Variants in NUDT3 observed in about 807,000 individuals in gnomAD.
The protein encoded by NUDT3 is nudix hydrolase 3.
NUDT3 carries 9 observed loss-of-function variants against 23.6 expected under a neutral mutation model. The observed-to-expected ratio is 0.38, with a 90% CI of 0.23 to 0.66. NUDT3 has a LOEUF of 0.66. Ranked by LOEUF, NUDT3 falls within the 30% of genes least tolerant of loss-of-function variation. The pLI, the probability that NUDT3 is intolerant of heterozygous loss-of-function variation, is 0.52. For missense variants in NUDT3, 172 were observed against 218.5 expected, an observed-to-expected ratio of 0.79 and a Z score of 1.34; for synonymous variants, 86 against 82.6, an observed-to-expected ratio of 1.04 and a Z score of -0.22.
chr6:34,328,517 G>C (rs1764077076), intron 2 of NUDT3, among the ~76,000 whole-genome samples: 2 of 152,092 alleles, frequency 1.3e-5, no homozygotes, highest in Non-Finnish European at 2.9e-5. Context: ...CCTAATTCAA[G>C]CATCTGTGTA....
chr6:34,340,607 T>C (rs754047802), intron 2 of NUDT3, among the ~76,000 whole-genome samples: 4 of 152,232 alleles, frequency 2.6e-5, no homozygotes, highest in Non-Finnish European at 4.4e-5. Flanking sequence ...TACCACCCAC[T>C]GTAAGAATGC....
chr6:34,324,303 T>C (rs977596057), intron 2 of NUDT3, among the ~76,000 whole-genome samples: 2 of 149,976 alleles, frequency 1.3e-5, no homozygotes, highest in Non-Finnish European at 3.0e-5. Context: ...TGCAGTGAGC[T>C]GAGATCACAC....
At chr6:34,366,312 A>G (rs1397652071) in intron 1 of NUDT3, among the ~76,000 whole-genome samples, 1 of 149,988 alleles carries the variant, frequency 6.7e-6, no homozygotes, top group African/African-American at 2.5e-5. Context: ...GGAGGTTGAG[A>G]CTGCAGTGAG....
At chr6:34,368,677 C>T (rs1427099146) in intron 1 of NUDT3, among the ~76,000 whole-genome samples, 3 of 152,118 alleles carry the variant, frequency 2.0e-5, no homozygotes, top group African/African-American at 2.4e-5. Flanking sequence ...CTCACTCTGT[C>T]GCCCAGGCTG....
At chr6:34,307,736 A>G (rs540672274) in intron 2 of NUDT3, among the ~76,000 whole-genome samples, 1 of 152,226 alleles carries the variant, frequency 6.6e-6, no homozygotes, top group Non-Finnish European at 1.5e-5. Flanking sequence ...GAACAGGAAC[A>G]GAGAACAAAG....
chr6:34,325,882 G>A (rs55812200), intron 2 of NUDT3, among the ~76,000 whole-genome samples: 14,660 of 152,240 alleles, frequency 0.096, 809 homozygotes, highest in Non-Finnish European at 0.12. Flanking sequence ...AGTGGCATCT[G>A]TCACATCACC....
intron 2 of NUDT3, among the ~76,000 whole-genome samples, chr6:34,310,834 G>C (rs552086555): frequency 6.6e-6 from 1 of 152,018 alleles, no homozygotes; most frequent in South Asian, 2.1e-4. Flanking sequence ...CTCTCCCAAG[G>C]CTGGTTCGAT....
At position 34,285,965 on chromosome 6, in the gene NUDT3, CCAA is replaced by C. The variant is rs1763329213; in HGVS notation, c.*2785_*2787del. The C allele has an allele frequency of 6.6e-6, 1 of 152,188 alleles. No individual in the cohort carries two copies. Among genetic ancestry groups the C allele is most frequent in the Non-Finnish European group, 1.5e-5 (1 of 68,040 alleles). 9.4% of individuals were successfully genotyped at this position (152,188 alleles called of 1,614,324 possible). On this transcript the variant is annotated 3_prime_UTR_variant, in exon 5 of 5. Transcript: ENST00000607016. The stretch of plus-strand genomic sequence containing the variant: ...AGTTCACTTTCCTGACCCAAAGACA[CCAA>C]CAACAATCAAAACTGCACTTTCAGG...
intron 2 of NUDT3, among the ~76,000 whole-genome samples, chr6:34,297,730 AAT>A (rs139306311): frequency 0.054 from 3,874 of 71,730 alleles, 103 homozygotes; most frequent in African/African-American, 0.067. Flanking sequence ...AAAAAAAAAA[AAT>A]ATATATATAT....
At chr6:34,307,681 A>G (rs893881725) in intron 2 of NUDT3, among the ~76,000 whole-genome samples, 3 of 152,226 alleles carry the variant, frequency 2.0e-5, no homozygotes, top group Admixed American at 2.0e-4. Context: ...ATGAAATAAT[A>G]TAAGATGCTC....
chr6:34,357,908 C>A (rs770881326), intron 1 of NUDT3, among the ~76,000 whole-genome samples: 5 of 152,114 alleles, frequency 3.3e-5, no homozygotes, highest in Admixed American at 6.6e-5. Flanking sequence ...CCCAGGTTTT[C>A]TTCTAGTAAT....
At chr6:34,382,710 A>C (rs1219035465) in intron 1 of NUDT3, among the ~76,000 whole-genome samples, 5 of 151,956 alleles carry the variant, frequency 3.3e-5, no homozygotes, top group Admixed American at 2.6e-4. Flanking sequence ...GCATGCCTGT[A>C]ATCTTAGCTA....
chr6:34,389,783 A>G (rs2101776), intron 1 of NUDT3, among the ~76,000 whole-genome samples: 151,917 of 152,254 alleles, frequency 1, 75,791 homozygotes, highest in Middle Eastern at 1. Context: ...CTAACACGGT[A>G]ACAACCCATC....
At chr6:34,342,274 G>A (rs989830783) in intron 1 of NUDT3, among the ~76,000 whole-genome samples, 2 of 128,276 alleles carry the variant, frequency 1.6e-5, no homozygotes, top group African/African-American at 6.0e-5. Flanking sequence ...ACCTGACAAG[G>A]TGAATAGAAG....
At chr6:34,316,815 C>G (rs540681737) in intron 2 of NUDT3, among the ~76,000 whole-genome samples, 25 of 152,232 alleles carry the variant, frequency 1.6e-4, no homozygotes, top group African/African-American at 5.1e-4. Context: ...CAGAGGGAGA[C>G]AGATCATAGG....
chr6:34,354,723 G>A (rs1447892779), intron 1 of NUDT3, among the ~76,000 whole-genome samples: 2 of 128,572 alleles, frequency 1.6e-5, no homozygotes, highest in African/African-American at 2.8e-5. Context: ...ACTCTATCTC[G>A]GGGGGGAAAA....
At chr6:34,356,761 A>G (rs1764567113) in intron 1 of NUDT3, among the ~76,000 whole-genome samples, 1 of 152,024 alleles carries the variant, frequency 6.6e-6, no homozygotes, top group Non-Finnish European at 1.5e-5. Context: ...TTTTAGGTAT[A>G]ATTATGGAAT....
At chr6:34,358,143 G>C (rs1764592083) in intron 1 of NUDT3, among the ~76,000 whole-genome samples, 1 of 151,982 alleles carries the variant, frequency 6.6e-6, no homozygotes, top group African/African-American at 2.4e-5. Flanking sequence ...TCTGCAATAT[G>C]GTTTCATGGG....
chr6:34,309,702 G>A (rs1581857296), intron 2 of NUDT3, among the ~76,000 whole-genome samples: 2 of 151,720 alleles, frequency 1.3e-5, no homozygotes, highest in Admixed American at 6.6e-5. Context: ...CTTCAGCCAC[G>A]CTAATTAAGA....
Sources: allele counts gnomAD v4.1 joint callset (sites outside exome capture counted in the v4.1 genomes callset), GRCh38; gene constraint gnomAD v4.1.1; transcripts MANE v1.5; gene names NCBI Gene and HGNC (gene_info 2026-07-23, HGNC 2026-07-21).